The following UVRAG variants were observed in gnomAD, a reference collection of about 807,000 sequenced individuals.
The protein encoded by UVRAG is UV radiation resistance associated, also known as UV radiation resistance-associated gene protein.
UVRAG carries 19 observed loss-of-function variants against 78.0 expected under a neutral mutation model. The ratio of observed to expected loss-of-function variants is 0.24; its 90% CI spans 0.17 to 0.36. UVRAG has a LOEUF of 0.36. Among genes scored for constraint, UVRAG ranks in the 10% least tolerant of loss-of-function variants. The pLI, the probability that UVRAG is intolerant of heterozygous loss-of-function variation, is 1.00. For missense variants in UVRAG, 740 were observed against 853.8 expected, an observed-to-expected ratio of 0.87 and a Z score of 1.66; for synonymous variants, 323 against 324.6, an observed-to-expected ratio of 1.00 and a Z score of 0.05.
At chr11:75,931,354 G>C (rs1406437242) in intron 6 of UVRAG, among the ~76,000 whole-genome samples, 1 of 152,082 alleles carries the variant, frequency 6.6e-6, no homozygotes, top group African/African-American at 2.4e-5. Context: ...ACACAGTACA[G>C]TATATTAAAT....
chr11:75,979,304 G>T (rs957484184), intron 7 of UVRAG, among the ~76,000 whole-genome samples: 1 of 152,230 alleles, frequency 6.6e-6, no homozygotes, highest in Non-Finnish European at 1.5e-5. Context: ...GTGCCTCCCA[G>T]TTAGGCTACT....
At chr11:75,944,345 A>T (rs539270597) in intron 6 of UVRAG, among the ~76,000 whole-genome samples, 1 of 152,256 alleles carries the variant, frequency 6.6e-6, no homozygotes, top group East Asian at 1.9e-4. Flanking sequence ...TAACTTCAAT[A>T]ATGTGTTTGA....
chr11:75,845,040 T>G (rs1946005461), intron 1 of UVRAG, among the ~76,000 whole-genome samples: 1 of 152,184 alleles, frequency 6.6e-6, no homozygotes, highest in Non-Finnish European at 1.5e-5. Flanking sequence ...TATAAAAAGT[T>G]AAGGAATTTA....
intron 1 of UVRAG, among the ~76,000 whole-genome samples, chr11:75,831,825 C>T (rs1000898984): frequency 2.0e-5 from 3 of 152,160 alleles, no homozygotes; most frequent in Non-Finnish European, 4.4e-5. Context: ...ATTTAATACA[C>T]CTAACCTCTC....
intron 6 of UVRAG, among the ~76,000 whole-genome samples, chr11:75,939,666 A>G (rs985933223): frequency 7.9e-5 from 12 of 152,146 alleles, no homozygotes; most frequent in Admixed American, 3.9e-4. Context: ...CTTTTTGCTT[A>G]TCAGTGATTA....
At chr11:75,853,165 A>G (rs1410360569) in intron 2 of UVRAG, among the ~76,000 whole-genome samples, 1 of 152,096 alleles carries the variant, frequency 6.6e-6, no homozygotes, top group Non-Finnish European at 1.5e-5. Context: ...CTCCTCCCCC[A>G]GCCTCCCAAA....
Position 76,023,099 on chromosome 11 carries a change from T to C in UVRAG, c.1226+6119T>C, listed in dbSNP as rs528737182. ...GTTGTTGTCACAAATTGCATCATTA[T>C]ACATTGTGTGCCCATAATACTGTCT... On this transcript the variant is annotated intron_variant, in intron 12 of 14. Coordinates refer to ENST00000356136, the MANE Select transcript of UVRAG (RefSeq NM_003369.4). Among the ~76,000 whole-genome samples, 12 of 152,348 alleles carry C rather than the reference T, an allele frequency of 7.9e-5. No homozygotes were observed. In the South Asian group the frequency reaches 2.5e-3, roughly 32 times the overall value.
At chr11:75,841,586 A>G (rs551123435) in intron 1 of UVRAG, among the ~76,000 whole-genome samples, 3 of 152,338 alleles carry the variant, frequency 2.0e-5, no homozygotes, top group East Asian at 3.9e-4. Context: ...TTGTACCACA[A>G]TGTAAGAGTG....
intron 14 of UVRAG, among the ~76,000 whole-genome samples, chr11:76,121,972 C>T (rs2134479268): frequency 6.6e-6 from 1 of 152,286 alleles, no homozygotes; most frequent in East Asian, 1.9e-4. Flanking sequence ...TCTTACTCAT[C>T]TCTGTGGTCC....
chr11:76,001,010 G>C (rs1949803515), intron 8 of UVRAG, among the ~76,000 whole-genome samples: 1 of 152,158 alleles, frequency 6.6e-6, no homozygotes. Flanking sequence ...TCACCTAATT[G>C]ATAGCATACC....
At chr11:75,840,854 A>T (rs1945892883) in intron 1 of UVRAG, among the ~76,000 whole-genome samples, 2 of 152,192 alleles carry the variant, frequency 1.3e-5, no homozygotes, top group African/African-American at 4.8e-5. Context: ...TTCAGGTTGG[A>T]TCAAAGGATT....
intron 13 of UVRAG, among the ~76,000 whole-genome samples, chr11:76,114,245 CA>C (rs1952134800): frequency 6.6e-6 from 1 of 152,064 alleles, no homozygotes; most frequent in Non-Finnish European, 1.5e-5. Context: ...TATATTAATA[CA>C]AGAAATGATG....
At chr11:75,878,687 A>C (rs549529141) in intron 3 of UVRAG, among the ~76,000 whole-genome samples, 1,577 of 152,128 alleles carry the variant, frequency 0.01, 21 homozygotes, top group Non-Finnish European at 0.016. Context: ...AGGGAAACCC[A>C]GTCTCCACCA....
In UVRAG at chr11:75,879,994, T is replaced by C. The variant is rs1259395722; in HGVS notation, c.386T>C (p.Ile129Thr). The C allele has an allele frequency of 5.0e-6, 8 of 1,614,202 alleles. No individual in the cohort carries two copies. Among genetic ancestry groups the C allele is most frequent in the Non-Finnish European group, 6.8e-6 (8 of 1,180,026 alleles). The change falls in exon 4 of 15, where the codon ATT becomes ACT. Residue 129 changes from isoleucine to threonine, a missense_variant. Physicochemically the swap from Ile to Thr is moderately conservative, Grantham distance 89. Transcript: ENST00000356136. Reference sequence around the variant, plus strand: ...AAGGAGAACATCTACCAGCTGTTGATTGAATGGAAAGTCTGTTTGGATGGG... The same window carrying C: ...AAGGAGAACATCTACCAGCTGTTGACTGAATGGAAAGTCTGTTTGGATGGG... ...GGKENIYQLL[I>T]EWKVCLDGLK...
chr11:75,915,659 A>G (rs1418702194), intron 6 of UVRAG, among the ~76,000 whole-genome samples: 1 of 152,238 alleles, frequency 6.6e-6, no homozygotes, highest in African/African-American at 2.4e-5. Flanking sequence ...TGTAAATTAT[A>G]AATAAGCATT....
intron 6 of UVRAG, among the ~76,000 whole-genome samples, chr11:75,934,427 C>G (rs1948319582): frequency 6.6e-6 from 1 of 151,866 alleles, no homozygotes; most frequent in South Asian, 2.1e-4. Context: ...AAGAATAATA[C>G]CTAATACTTG....
chr11:75,860,766 A>G (rs1946401265), intron 2 of UVRAG, among the ~76,000 whole-genome samples: 1 of 151,634 alleles, frequency 6.6e-6, no homozygotes. Flanking sequence ...TTGTTCTTTG[A>G]GCGTGCAATT....
chr11:76,112,394 G>A (rs1409663343), intron 13 of UVRAG, among the ~76,000 whole-genome samples: 1 of 152,070 alleles, frequency 6.6e-6, no homozygotes, highest in Non-Finnish European at 1.5e-5. Flanking sequence ...AATATTCAGG[G>A]TGTCATGAAA....
chr11:76,072,483 C>G (rs190167440), intron 13 of UVRAG, among the ~76,000 whole-genome samples: 513 of 152,280 alleles, frequency 3.4e-3, no homozygotes, highest in African/African-American at 0.012. Flanking sequence ...GCTCTTGCCA[C>G]TTATCCCAAA....
Sources: allele counts gnomAD v4.1 joint callset (sites outside exome capture counted in the v4.1 genomes callset), GRCh38; gene constraint gnomAD v4.1.1; transcripts MANE v1.5; gene names NCBI Gene and HGNC (gene_info 2026-07-23, HGNC 2026-07-21).